The following TSC2 variants were observed in gnomAD, a reference collection of about 807,000 sequenced individuals.
TSC2 encodes the protein TSC complex subunit 2.
A neutral mutation model predicts 202.2 loss-of-function variants in TSC2; 29 were observed. The observed-to-expected ratio is 0.14, with a 90% CI of 0.11 to 0.20. The LOEUF (loss-of-function observed/expected upper bound fraction) is 0.20, where lower values mean the gene tolerates loss of function less well. Among genes scored for constraint, TSC2 ranks in the 10% least tolerant of loss-of-function variants. The probability of loss-of-function intolerance (pLI) is 1.00; values close to 1 mark genes in which losing one functional copy is unlikely to be tolerated. For synonymous variants in TSC2, 1,349 were observed against 1,044.0 expected (o/e 1.29, Z -5.63); for missense variants, 2,429 against 2,420.0 (o/e 1.00, Z -0.08).
At chr16:2,070,394 T>C in intron 16 of TSC2, 62 bp from the exon 17 acceptor site, 1 of 1,612,874 alleles carries the variant, frequency 6.2e-7, no homozygotes, top group South Asian at 1.1e-5. Context: ...GGGACAAGGG[T>C]GCTGTCTTAG....
chr16:2,057,469 G>A (rs904524757), intron 9 of TSC2, among the ~76,000 whole-genome samples: 1 of 152,126 alleles, frequency 6.6e-6, no homozygotes, highest in Non-Finnish European at 1.5e-5. Flanking sequence ...CGAGGCTCGG[G>A]GTCTTGGCTT....
Position 2,082,358 on chromosome 16 carries a change from CG to C in TSC2, c.3815-74del. On this transcript the variant is annotated intron_variant, in intron 31 of 41. Transcript: ENST00000219476. Reference sequence around the variant, plus strand: ...CCCTGCCCTCTCTCCTCTGCAGGCACGGGGCCTGTGCTCTCTGCTCGACCTG... The same window carrying C: ...CCCTGCCCTCTCTCCTCTGCAGGCACGGGCCTGTGCTCTCTGCTCGACCTG... 5 of 1,533,704 alleles carry C rather than the reference CG, an allele frequency of 3.3e-6. No homozygotes were observed. The South Asian group carries it at 3.4e-5, about 10-fold the overall frequency.
At chr16:2,059,002 C>T (rs568018477) in intron 10 of TSC2, 129 bp downstream of exon 10, 2 of 1,442,690 alleles carry the variant, frequency 1.4e-6, no homozygotes, top group East Asian at 4.9e-5. Flanking sequence ...CAGGCAGTTG[C>T]TTTGCAGCTG....
rs568056589 is a variant in TSC2, at chr16:2,088,938, A to C, written c.*328A>C. ...ACCCTGGGAGCCAGCCCCCAGGAGG[A>C]GTCTTTTCCTCTAACCACCCTGGGG... On this transcript the variant is annotated 3_prime_UTR_variant, in exon 42 of 42. Coordinates refer to ENST00000219476, the MANE Select transcript of TSC2 (RefSeq NM_000548.5). 45 of 374,846 alleles carry C rather than the reference A, an allele frequency of 1.2e-4. No homozygotes were observed. The highest frequency in any genetic ancestry group is 1.9e-4 in the South Asian group (7 of 36,508). 23.2% of individuals were successfully genotyped at this position (374,846 alleles called of 1,614,324 possible).
intron 30 of TSC2, 38 bp from the exon 31 acceptor site, chr16:2,081,557 G>A: frequency 1.2e-6 from 2 of 1,611,660 alleles, no homozygotes; most frequent in Non-Finnish European, 1.7e-6. Flanking sequence ...GTAAGGGGAG[G>A]TACTGGCCTC....
chr16:2,069,582 C>G (rs62038804), intron 16 of TSC2, among the ~76,000 whole-genome samples: 301 of 152,144 alleles, frequency 2.0e-3, no homozygotes, highest in Middle Eastern at 3.4e-3. Context: ...TGGGTTCACG[C>G]CATTCTCCTG....
rs2090531407 is a variant in TSC2 at position 2,084,622 on chromosome 16, C to T, written c.4400C>T (p.Ala1467Val). 6.2e-7 allele frequency: 1 copy of T among 1,601,176 alleles called. No homozygotes were observed. The highest frequency in any genetic ancestry group is 1.1e-5 in the South Asian group (1 of 91,070). The change falls in exon 34 of 42, where the codon GCC (alanine) becomes GTC (valine). Residue 1467 changes from alanine (A) to valine (V), a missense_variant. Physicochemically the swap from Ala to Val is moderately conservative, Grantham distance 64 (BLOSUM62 0). Coordinates refer to ENST00000219476, the MANE Select transcript of TSC2 (RefSeq NM_000548.5). ...CGAGGTTACACCATCTCCGACTCGG[C>T]CCCATCACGCAGGGGCAAGAGAGTA... ...RPRGYTISDS[A>V]PSRRGKRVER...
intron 5 of TSC2, chr16:2,054,792 T>C (rs78488281): frequency 0.012 from 4,831 of 398,292 alleles, 228 homozygotes; most frequent in African/African-American, 0.09. Flanking sequence ...TCCTCCTCCT[T>C]TCTCCACTTT....
chr16:2,058,740 CT>C lies in TSC2; in HGVS notation c.849-3del. 1 of 1,576,596 alleles carries C rather than the reference CT, an allele frequency of 6.3e-7. No individual in the cohort carries two copies. The highest frequency in any genetic ancestry group is 8.6e-7 in the Non-Finnish European group (1 of 1,160,892). ...TCACATTCCGTCTCTCTGGGGAACA[CT>C]TTTAGAGCCTACATGGAGGACGCGC... is the stretch of plus-strand genomic sequence containing the variant. On this transcript the variant is annotated splice_region_variant and splice_polypyrimidine_tract_variant and intron_variant, in intron 9 of 41. Transcript: ENST00000219476.
At position 2,088,444 on chromosome 16, in the gene TSC2, A is replaced by G; in HGVS notation, c.5260-2A>G. 1 of 1,612,784 alleles carries G rather than the reference A, an allele frequency of 6.2e-7. No individual in the cohort carries two copies. Among genetic ancestry groups the G allele is most frequent in the African/African-American group, 1.3e-5 (1 of 75,028 alleles). ...TACTGCCCAAGCCGCCTCTGCCTTC[A>G]GATCTGCGAGGAAGCCGCCTACTCC... On this transcript the variant is annotated splice_acceptor_variant, in intron 41 of 41. Coordinates refer to ENST00000219476, the MANE Select transcript of TSC2 (RefSeq NM_000548.5). LOFTEE classifies it high-confidence loss of function.
Position 2,081,675 on chromosome 16 carries a change from C to T in TSC2, c.3691C>T (p.Leu1231=). ...CATCAACAACATGCCCCTGCAGGAG[C>T]TGTCTAACGCCCTCATGGCGGCTGA... ...SDINNMPLQE[L]SNALMAAERF... The change falls in exon 31 of 42, where the codon CTG becomes TTG. Residue 1231 remains leucine (L), a synonymous_variant. Coordinates refer to ENST00000219476, the MANE Select transcript of TSC2 (RefSeq NM_000548.5). The T allele has an allele frequency of 6.2e-7, 1 of 1,612,990 alleles. No homozygotes were observed. Among genetic ancestry groups the T allele is most frequent in the Non-Finnish European group, 8.5e-7 (1 of 1,180,006 alleles).
chr16:2,065,665 C>T lies in TSC2; in HGVS notation c.1716+30C>T, dbSNP rs762030973. 106 of 1,591,768 alleles carry T rather than the reference C, an allele frequency of 6.7e-5. 1 individual carries two copies. The highest frequency in any genetic ancestry group is 2.5e-4 in the Admixed American group (15 of 59,976). ...GTGTTCTGCACGAGGCCTCTGCTCC[C>T]GGGGCGCGCATGGCTAGCGTCCACC... is the stretch of plus-strand genomic sequence containing the variant. On this transcript the variant is annotated intron_variant, in intron 16 of 41. Coordinates refer to ENST00000219476, the MANE Select transcript of TSC2 (RefSeq NM_000548.5).
At chr16:2,059,383 C>T (rs1419429029) in intron 10 of TSC2, among the ~76,000 whole-genome samples, 1 of 140,018 alleles carries the variant, frequency 7.1e-6, no homozygotes, top group East Asian at 2.1e-4. Flanking sequence ...ACTCTTGTTG[C>T]CCAGGGTGGA....
chr16:2,086,268 C>T lies in TSC2; in HGVS notation c.4738C>T (p.Arg1580Trp), dbSNP rs777592623. ...RYTEFLTGLG[R>W]LIELKDCQPD... ...CACGGAGTTCCTGACGGGCCTGGGC[C>T]GGCTCATCGAGCTGAAGGACTGCCA... Residue 1580 changes from arginine to tryptophan, a missense_variant, in exon 37 of 42, where the codon CGG becomes TGG. Coordinates refer to ENST00000219476, the MANE Select transcript of TSC2 (RefSeq NM_000548.5). 2 of 1,612,736 alleles carry T rather than the reference C, an allele frequency of 1.2e-6. No homozygotes were observed. The highest frequency in any genetic ancestry group is 1.3e-5 in the African/African-American group (1 of 74,922).
At chr16:2,053,646 C>G (rs778088749) in intron 4 of TSC2, 194 bp downstream of exon 4, 1 of 690,928 alleles carries the variant, frequency 1.4e-6, no homozygotes, top group African/African-American at 1.8e-5. Flanking sequence ...GGCACTGCCT[C>G]CTCGCCTGTA....
intron 16 of TSC2, among the ~76,000 whole-genome samples, chr16:2,067,724 C>A (rs1240107709): frequency 6.6e-6 from 1 of 152,178 alleles, no homozygotes; most frequent in Non-Finnish European, 1.5e-5. Flanking sequence ...AAGCCCAGAT[C>A]ACGCCATTGC....
intron 22 of TSC2, among the ~76,000 whole-genome samples, chr16:2,075,449 C>G (rs1477680061): frequency 6.7e-6 from 1 of 148,214 alleles, no homozygotes; most frequent in African/African-American, 2.6e-5. Context: ...ATGGCGTGAA[C>G]CCAGGGGGTG....
rs370820622 is a variant in TSC2, at chr16:2,088,517, T to C, written c.5331T>C (p.Pro1777=). Reference sequence around the variant, plus strand: ...ACCCTCCGTCCCATAGCAAAGCCCCTGCACAGACTCCAGCCGAGCCCACAC... The same window carrying C: ...ACCCTCCGTCCCATAGCAAAGCCCCCGCACAGACTCCAGCCGAGCCCACAC... ...LVHPPSHSKA[P]AQTPAEPTPG... is the part of the protein sequence containing the mutation. The change falls in exon 42 of 42, where the codon CCT becomes CCC. Residue 1777 remains proline, a synonymous_variant. Transcript: ENST00000219476. 39 of 1,612,478 alleles carry C rather than the reference T, an allele frequency of 2.4e-5. No individual in the cohort carries two copies. Among genetic ancestry groups the C allele is most frequent in the African/African-American group, 2.0e-4 (15 of 74,878 alleles).
Position 2,054,458 on chromosome 16 carries a change from T to A in TSC2, c.481+18T>A, listed in dbSNP as rs1360550363. 6.2e-7 allele frequency: 1 copy of A among 1,613,942 alleles called. No homozygotes were observed. Among genetic ancestry groups the A allele is most frequent in the Non-Finnish European group, 8.5e-7 (1 of 1,180,004 alleles). ...AGAGCTGGGTGGGTGCCACCTTGGG[T>A]TGGAGGTTTCTCTGGCCTTGACGAT... On this transcript the variant is annotated intron_variant, in intron 5 of 41. Transcript: ENST00000219476.
Sources: allele counts gnomAD v4.1 joint callset (sites outside exome capture counted in the v4.1 genomes callset), GRCh38; gene constraint gnomAD v4.1.1; transcripts MANE v1.5; gene names NCBI Gene and HGNC (gene_info 2026-07-23, HGNC 2026-07-21).